PRDM16: variants seen among roughly 807,000 people sequenced by gnomAD.
PRDM16 encodes the protein histone-lysine N-methyltransferase PRDM16.
Under a neutral mutation model 110.6 loss-of-function variants are expected in PRDM16, and 23 were observed. That is an observed-to-expected ratio of 0.21 (90% CI 0.15 to 0.29). The LOEUF is 0.29. Among genes scored for constraint, PRDM16 ranks in the 10% least tolerant of loss-of-function variants. The probability of loss-of-function intolerance (pLI) is 1.00; values close to 1 mark genes in which losing one functional copy is unlikely to be tolerated. For missense variants in PRDM16, 1,615 were observed against 1,794.3 expected (o/e 0.90, Z 1.81); for synonymous variants, 799 against 781.8 (o/e 1.02, Z -0.37).
At chr1:3,303,039 C>G (rs549905049) in intron 3 of PRDM16, among the ~76,000 whole-genome samples, 13 of 152,128 alleles carry the variant, frequency 8.5e-5, no homozygotes, top group Non-Finnish European at 1.2e-4. Context: ...GATATATACA[C>G]TTATATATAT....
rs747276986 is a variant in PRDM16, at chr1:3,069,263, C to A, written c.4C>A (p.Arg2=). 3.2e-6 allele frequency: 5 copies of A among 1,567,258 alleles called. No homozygotes were observed. Among genetic ancestry groups the A allele is most frequent in the South Asian group, 1.2e-5 (1 of 86,668 alleles). ...AGAGATTCCGCGAGCCGACACCATG[C>A]GATCCAAGGCGAGGGCGAGGAAGCT... M[R]SKARARKLAK... The change falls in exon 1 of 17, where the codon CGA becomes AGA. Residue 2 remains arginine (R), a synonymous_variant. Coordinates refer to ENST00000270722, the MANE Select transcript of PRDM16 (RefSeq NM_022114.4). This position sits in a 1 kb window ranked among gnomAD's most constrained non-coding sequence, Gnocchi z 6.1.
chr1:3,179,614 C>T (rs1410786074), intron 1 of PRDM16, among the ~76,000 whole-genome samples: 1 of 152,228 alleles, frequency 6.6e-6, no homozygotes, highest in Non-Finnish European at 1.5e-5. Flanking sequence ...AAAAGGGCCC[C>T]CGAGTGCCCA....
chr1:3,231,443 T>C (rs1639411673), intron 2 of PRDM16, among the ~76,000 whole-genome samples: 1 of 151,986 alleles, frequency 6.6e-6, no homozygotes, highest in African/African-American at 2.4e-5. Flanking sequence ...GTCAAGGCCG[T>C]CCCCCTGGGG....
intron 1 of PRDM16, among the ~76,000 whole-genome samples, chr1:3,160,785 T>A (rs1643891270): frequency 1.3e-5 from 2 of 152,188 alleles, no homozygotes; most frequent in South Asian, 2.1e-4. Flanking sequence ...TCTCCCGGCT[T>A]CATGGGCGGG....
At chr1:3,413,349 T>C (rs1285406562) in intron 9 of PRDM16, among the ~76,000 whole-genome samples, 2 of 151,836 alleles carry the variant, frequency 1.3e-5, no homozygotes, top group Non-Finnish European at 2.9e-5. Flanking sequence ...CCAGTGGTCC[T>C]TGGAGGGGAG....
chr1:3,431,372 G>A (rs1476439355), intron 15 of PRDM16, among the ~76,000 whole-genome samples: 1 of 150,176 alleles, frequency 6.7e-6, no homozygotes, highest in Non-Finnish European at 1.5e-5. Flanking sequence ...TCCCTGCACT[G>A]AGCAGACATG....
At chr1:3,241,656 C>T (rs1639677643) in intron 2 of PRDM16, among the ~76,000 whole-genome samples, 1 of 152,266 alleles carries the variant, frequency 6.6e-6, no homozygotes, top group South Asian at 2.1e-4. Context: ...CCACGTCAGA[C>T]TCCGCCAGAA....
At chr1:3,236,855 T>C (rs1281162847) in intron 2 of PRDM16, among the ~76,000 whole-genome samples, 2 of 152,210 alleles carry the variant, frequency 1.3e-5, no homozygotes, top group Non-Finnish European at 2.9e-5. Context: ...ACATGCATTA[T>C]TGGGGGCCAA....
At chr1:3,333,329 T>C (rs1400282981) in intron 3 of PRDM16, among the ~76,000 whole-genome samples, 2 of 152,104 alleles carry the variant, frequency 1.3e-5, no homozygotes, top group African/African-American at 4.8e-5. Context: ...GCACAGGGCC[T>C]TGTGTGCTGG....
intron 1 of PRDM16, among the ~76,000 whole-genome samples, chr1:3,079,781 T>A (rs2100575006): frequency 6.6e-6 from 1 of 152,300 alleles, no homozygotes; most frequent in Admixed American, 6.5e-5. Flanking sequence ...GTGTGTGTGC[T>A]CTGTGTCTGT....
intron 9 of PRDM16, 135 bp downstream of exon 9, chr1:3,412,935 G>A (rs1425025261): frequency 1.5e-5 from 11 of 730,002 alleles, no homozygotes; most frequent in Non-Finnish European, 2.0e-5. Flanking sequence ...TCAGGAAGAT[G>A]CCCCTGTTCT....
At chr1:3,323,069 C>T (rs1345564989) in intron 3 of PRDM16, among the ~76,000 whole-genome samples, 3 of 152,216 alleles carry the variant, frequency 2.0e-5, no homozygotes, top group Non-Finnish European at 2.9e-5. Context: ...CAGCCCGTTT[C>T]ATGTTGCCTT....
chr1:3,296,507 C>T (rs1004867848), intron 3 of PRDM16, among the ~76,000 whole-genome samples: 3 of 152,236 alleles, frequency 2.0e-5, no homozygotes, highest in African/African-American at 7.2e-5. Context: ...AGCCCTAACC[C>T]GGGGCCTCGT....
At chr1:3,230,822 G>T (rs953626759) in intron 2 of PRDM16, among the ~76,000 whole-genome samples, 1 of 152,228 alleles carries the variant, frequency 6.6e-6, no homozygotes, top group African/African-American at 2.4e-5. Context: ...CGGGCACCAT[G>T]AGGCATTCGA....
chr1:3,210,974 G>A (rs3753758), intron 2 of PRDM16, among the ~76,000 whole-genome samples: 15,727 of 152,066 alleles, frequency 0.1, 1,384 homozygotes, highest in South Asian at 0.29. Context: ...ATTTGTCCAC[G>A]CATTCATGAG....
chr1:3,396,702 C>G (rs1643391705), intron 5 of PRDM16, 109 bp downstream of exon 5: 1 of 607,132 alleles, frequency 1.6e-6, no homozygotes, highest in South Asian at 2.0e-5. Flanking sequence ...CTCAAGCCAC[C>G]TAATGAGGGC....
rs543649915 is a variant in PRDM16, at chr1:3,226,392, C to T, written c.388-17695C>T. Among the ~76,000 whole-genome samples, 37 of 152,292 alleles carry T rather than the reference C, an allele frequency of 2.4e-4. No homozygotes were observed. In the South Asian group the frequency reaches 7.5e-3, roughly 31 times the overall value. Reference sequence around the variant, plus strand: ...TGCGGTGAGGCTGCGCCTGGCACCCCGGATCCCTCCACGGCTTCCCCCTTA... The same window carrying T: ...TGCGGTGAGGCTGCGCCTGGCACCCTGGATCCCTCCACGGCTTCCCCCTTA... On this transcript the variant is annotated intron_variant, in intron 2 of 16. Transcript: ENST00000270722.
intron 1 of PRDM16, among the ~76,000 whole-genome samples, chr1:3,115,956 T>A (rs956529510): frequency 1.3e-5 from 2 of 152,074 alleles, no homozygotes; most frequent in African/African-American, 4.8e-5. Context: ...ATCTAGGCTG[T>A]CCATGCCCCA....
intron 8 of PRDM16, among the ~76,000 whole-genome samples, chr1:3,409,881 T>TTGTG: frequency 1.2e-5 from 1 of 84,108 alleles, no homozygotes; most frequent in South Asian, 3.5e-4. Flanking sequence ...ATGTGTGTGG[T>TTGTG]TGTGTGCATG....
Sources: gnomAD v4.1 joint callset for allele counts (sites outside exome capture counted in the v4.1 genomes callset) on GRCh38, gnomAD v4.1.1 for gene constraint, Gnocchi (gnomAD v3.1) non-coding constraint, MANE v1.5 for transcripts, NCBI Gene and HGNC (gene_info 2026-07-23, HGNC 2026-07-21) for gene names.